Variants in RHOBTB1 observed in about 807,000 individuals in gnomAD.
RHOBTB1 encodes Rho related BTB domain containing 1.
RHOBTB1 carries 40 observed loss-of-function variants against 71.6 expected under a neutral mutation model. The observed-to-expected ratio is 0.56, with a 90% confidence interval of 0.43 to 0.73. The LOEUF is 0.73. Ranked by LOEUF, RHOBTB1 falls within the 30% of genes least tolerant of loss-of-function variation. The probability of loss-of-function intolerance (pLI) is 0.00; values close to 1 mark genes in which losing one functional copy is unlikely to be tolerated. For synonymous variants in RHOBTB1, 319 were observed against 334.9 expected (o/e 0.95, Z 0.52); for missense variants, 797 against 894.0 (o/e 0.89, Z 1.38).
intron 7 of RHOBTB1, among the ~76,000 whole-genome samples, chr10:60,883,073 T>C (rs781699186): frequency 2.0e-5 from 3 of 152,092 alleles, no homozygotes; most frequent in Non-Finnish European, 4.4e-5. Context: ...TATATTATAG[T>C]TTACACAGGA....
Position 60,871,368 on chromosome 10 carries a change from C to G in RHOBTB1, c.*114G>C. 9.3e-7 allele frequency: 1 copy of G among 1,070,966 alleles called. No individual in the cohort carries two copies. The highest frequency in any genetic ancestry group is 1.3e-6 in the Non-Finnish European group (1 of 747,002). 66.3% of individuals were successfully genotyped at this position (1,070,966 alleles called of 1,614,324 possible). A position where few individuals can be genotyped will look rare whatever the true frequency, so the allele number is the denominator to read the frequency against. On this transcript the variant is annotated 3_prime_UTR_variant, in exon 11 of 11. Coordinates refer to ENST00000337910, the MANE Select transcript of RHOBTB1 (RefSeq NM_014836.5). ...ACAAAAGTGGAGGAAGATCAGTGCC[C>G]GAAACCTGAACTATGTCGTATCTCT...
At chr10:60,911,695 G>A (rs776922284) in intron 2 of RHOBTB1, 143 bp from the exon 3 acceptor site, 6 of 685,234 alleles carry the variant, frequency 8.8e-6, no homozygotes, top group South Asian at 1.8e-5. Flanking sequence ...TTGGAAGTTC[G>A]TACTAAGCCT....
intron 2 of RHOBTB1, among the ~76,000 whole-genome samples, chr10:60,925,284 T>C (rs924738000): frequency 6.6e-6 from 1 of 152,212 alleles, no homozygotes; most frequent in Non-Finnish European, 1.5e-5. Context: ...CAGTCTCAGG[T>C]ATTTCTTTAT....
chr10:60,968,115 T>C (rs1000231863), intron 2 of RHOBTB1, among the ~76,000 whole-genome samples: 127 of 152,076 alleles, frequency 8.4e-4, no homozygotes, highest in African/African-American at 2.7e-3. Context: ...TGCCCCATGC[T>C]TTTCTCTCCT....
chr10:60,902,037 C>T lies in RHOBTB1; in HGVS notation c.296+8850G>A, dbSNP rs542138808. 1.1e-4 allele frequency among the ~76,000 whole-genome samples: 17 copies of T among 152,312 alleles called. No homozygotes were observed. In the East Asian group the frequency reaches 2.3e-3, roughly 21 times the overall value. ...CCTGTTGCTATCTCATTTGGCACTCCGCTTTCCAAGGACAATTTCATCCTG... is the reference window on the plus strand; with the variant it reads ...CCTGTTGCTATCTCATTTGGCACTCTGCTTTCCAAGGACAATTTCATCCTG... On this transcript the variant is annotated intron_variant, in intron 4 of 10. Transcript: ENST00000337910.
At chr10:60,934,947 G>A (rs1163392864) in intron 2 of RHOBTB1, among the ~76,000 whole-genome samples, 1 of 152,188 alleles carries the variant, frequency 6.6e-6, no homozygotes. Context: ...GACATAGAGA[G>A]GAGGGGAAGA....
intron 2 of RHOBTB1, among the ~76,000 whole-genome samples, chr10:60,914,680 G>A (rs144868333): frequency 4.6e-5 from 7 of 152,230 alleles, no homozygotes; most frequent in African/African-American, 9.6e-5. Context: ...TGGCTGTGTC[G>A]CTTTCACTGA....
In RHOBTB1 at chr10:60,888,658, G is replaced by A. The variant is rs201499193; in HGVS notation, c.1010C>T (p.Pro337Leu). ...CTGGTCGGCCTGAGGAATCCTAGGCGGGCCCTCCTCCCTTTCTTCCTCTGG... is the reference window on the plus strand; with the variant it reads ...CTGGTCGGCCTGAGGAATCCTAGGCAGGCCCTCCTCCCTTTCTTCCTCTGG... ...VDPEEEREEG[P>L]PRIPQADQWK... is the part of the protein sequence containing the mutation. Residue 337 changes from proline (P) to leucine (L), a missense_variant, in exon 6 of 11, where the codon CCG becomes CTG. Pro to Leu is a moderately conservative substitution (Grantham distance 98). Around this residue, in one of 2 missense-constraint regions of RHOBTB1, gnomAD observed 658 missense variants for 681.5 expected, o/e 0.97. Transcript: ENST00000337910. 30 of 1,614,056 alleles carry A rather than the reference G, an allele frequency of 1.9e-5. No individual in the cohort carries two copies. The highest frequency in any genetic ancestry group is 4.5e-5 in the East Asian group (2 of 44,888).
chr10:60,933,940 A>C (rs191066599), intron 2 of RHOBTB1, among the ~76,000 whole-genome samples: 1 of 152,354 alleles, frequency 6.6e-6, no homozygotes, highest in African/African-American at 2.4e-5. Flanking sequence ...AATACACACA[A>C]AGAGATTGAG....
intron 2 of RHOBTB1, among the ~76,000 whole-genome samples, chr10:60,967,229 A>G (rs1398001343): frequency 1.9e-5 from 2 of 106,752 alleles, no homozygotes; most frequent in East Asian, 4.4e-4. Context: ...ATGATCTAAG[A>G]CCAATTAGAA....
At chr10:60,947,754 G>A (rs7914882), upstream of RHOBTB1, among the ~76,000 whole-genome samples, 1,464 of 152,170 alleles carry the variant, frequency 9.6e-3, 21 homozygotes, top group African/African-American at 0.033. Context: ...GTAGTTTCCA[G>A]TATTTTGCTA....
intron 9 of RHOBTB1, among the ~76,000 whole-genome samples, chr10:60,872,527 C>T (rs1038542569): frequency 2.0e-5 from 3 of 152,162 alleles, no homozygotes; most frequent in Non-Finnish European, 2.9e-5. Context: ...TAATTAATAT[C>T]GAATCACGAG....
chr10:60,936,514 C>A (rs532245716), intron 2 of RHOBTB1, among the ~76,000 whole-genome samples: 1 of 152,232 alleles, frequency 6.6e-6, no homozygotes, highest in African/African-American at 2.4e-5. Context: ...ATTTAAGATT[C>A]CATGACTCTA....
intron 1 of RHOBTB1, among the ~76,000 whole-genome samples, chr10:60,990,018 T>G (rs1479530558): frequency 2.7e-5 from 4 of 149,068 alleles, no homozygotes; most frequent in Non-Finnish European, 5.9e-5. Flanking sequence ...AGTCTCGTTC[T>G]GTCGCCTAGG....
rs749811459 is a variant in RHOBTB1, at chr10:60,875,010, C to A, written c.1759G>T (p.Ala587Ser). The A allele has an allele frequency of 3.1e-6, 5 of 1,614,060 alleles. No homozygotes were observed. The highest frequency in any genetic ancestry group is 4.2e-6 in the Non-Finnish European group (5 of 1,179,938). ...CCGTCAATGCCCACGCCACTCGTGG[C>A]GGCTTTGGTCAACTCCTGAACGGCA... The part of the protein sequence containing the change: ...QHAVQELTKA[A>S]TSGVGIDGEV... The change falls in exon 9 of 11, where the codon GCC (alanine) becomes TCC (serine). Residue 587 changes from alanine (A) to serine (S), a missense_variant. Coordinates refer to ENST00000337910, the MANE Select transcript of RHOBTB1 (RefSeq NM_014836.5).
intron 9 of RHOBTB1, among the ~76,000 whole-genome samples, chr10:60,873,564 C>T (rs1459899113): frequency 6.6e-6 from 1 of 152,240 alleles, no homozygotes; most frequent in Non-Finnish European, 1.5e-5. Flanking sequence ...ACAGACACAA[C>T]TGCAAATCAT....
At chr10:60,940,000 A>G (rs958535316) in intron 2 of RHOBTB1, among the ~76,000 whole-genome samples, 1 of 152,192 alleles carries the variant, frequency 6.6e-6, no homozygotes, top group Non-Finnish European at 1.5e-5. Context: ...ATTATATACC[A>G]TTATCACAAC....
intron 2 of RHOBTB1, among the ~76,000 whole-genome samples, chr10:60,917,640 C>T (rs1017629665): frequency 1.3e-5 from 2 of 152,176 alleles, no homozygotes; most frequent in African/African-American, 2.4e-5. Flanking sequence ...GGGCTCCACC[C>T]TCATGGCTTT....
At chr10:60,946,032 G>A (rs1455345521), upstream of RHOBTB1, among the ~76,000 whole-genome samples, 4 of 152,158 alleles carry the variant, frequency 2.6e-5, no homozygotes. Flanking sequence ...ACAAAAATTG[G>A]CTGGGCGCGG....
Sources: gnomAD v4.1 joint callset for allele counts (sites outside exome capture counted in the v4.1 genomes callset) on GRCh38, gnomAD v4.1.1 for gene constraint, gnomAD v4.1.1 regional missense constraint, MANE v1.5 for transcripts, NCBI Gene and HGNC (gene_info 2026-07-23, HGNC 2026-07-21) for gene names.